SBF2: variants seen among roughly 807,000 people sequenced by gnomAD.
The protein encoded by SBF2 is myotubularin-related protein 13.
SBF2 carries 112 observed loss-of-function variants against 225.2 expected under a neutral mutation model. The ratio of observed to expected loss-of-function variants is 0.50; its 90% CI spans 0.43 to 0.58. The LOEUF is 0.58. Ranked by LOEUF, SBF2 falls within the 20% of genes least tolerant of loss-of-function variation. SBF2 has a pLI of 0.00. For missense variants in SBF2, 1,996 were observed against 2,206.2 expected, an observed-to-expected ratio of 0.90 and a Z score of 1.91; for synonymous variants, 763 against 773.3, an observed-to-expected ratio of 0.99 and a Z score of 0.22.
chr11:10,275,680 TAAAAC>T (rs1380114869), intron 1 of SBF2, among the ~76,000 whole-genome samples: 2 of 150,872 alleles, frequency 1.3e-5, no homozygotes, highest in African/African-American at 4.9e-5. Flanking sequence ...AACAGAATCT[TAAAAC>T]AAAACAAAAA....
chr11:9,831,997 A>C (rs1349988767), intron 27 of SBF2, among the ~76,000 whole-genome samples: 1 of 152,250 alleles, frequency 6.6e-6, no homozygotes, highest in African/African-American at 2.4e-5. Context: ...TTTCTATTAA[A>C]ATCCAAGTAC....
chr11:10,137,666 T>C (rs1173388983), intron 2 of SBF2, among the ~76,000 whole-genome samples: 1 of 152,164 alleles, frequency 6.6e-6, no homozygotes, highest in African/African-American at 2.4e-5. Flanking sequence ...GTAGTTTTCC[T>C]TTTTTGTCTT....
chr11:10,176,433 T>C (rs1303910084), intron 2 of SBF2, among the ~76,000 whole-genome samples: 23 of 151,740 alleles, frequency 1.5e-4, no homozygotes, highest in African/African-American at 5.1e-4. Flanking sequence ...ACAAAATTGA[T>C]AGACCACTAG....
chr11:9,876,412 G>T (rs901812089), intron 17 of SBF2, among the ~76,000 whole-genome samples: 1 of 152,116 alleles, frequency 6.6e-6, no homozygotes, highest in Admixed American at 6.5e-5. Context: ...CATCCAGCGT[G>T]CCCATATTTG....
At chr11:10,022,604 C>G (rs2134602488) in intron 6 of SBF2, among the ~76,000 whole-genome samples, 1 of 152,084 alleles carries the variant, frequency 6.6e-6, no homozygotes, top group Non-Finnish European at 1.5e-5. Context: ...GTACCCACCC[C>G]CCCATCATAA....
chr11:10,284,537 C>G (rs150170922), intron 1 of SBF2, among the ~76,000 whole-genome samples: 1 of 152,054 alleles, frequency 6.6e-6, no homozygotes, highest in Non-Finnish European at 1.5e-5. Context: ...AAATAGCATG[C>G]ATTAACTCTT....
Position 9,993,971 on chromosome 11 carries a change from C to A in SBF2, c.1003G>T (p.Asp335Tyr). 8.3e-7 allele frequency: 1 copy of A among 1,206,652 alleles called. No homozygotes were observed. Among genetic ancestry groups the A allele is most frequent in the Non-Finnish European group, 1.2e-6 (1 of 807,940 alleles). 74.7% of individuals were successfully genotyped at this position (1,206,652 alleles called of 1,614,324 possible). The change falls in exon 10 of 40, where the codon GAT becomes TAT. Residue 335 changes from aspartate to tyrosine, a missense_variant. Coordinates refer to ENST00000256190, the MANE Select transcript of SBF2 (RefSeq NM_030962.4). ...GTTCGTGGAGGAGGAAAAGCATGAT[C>A]TGCTACTTCCAAATCTGGGTGTAAA... The part of the protein sequence containing the change: ...LILHPDLEVA[D>Y]HAFPPPRTAL...
intron 2 of SBF2, among the ~76,000 whole-genome samples, chr11:10,158,099 GA>G (rs1218499773): frequency 6.6e-6 from 1 of 151,726 alleles, no homozygotes; most frequent in Non-Finnish European, 1.5e-5. Context: ...ATGTATCGAA[GA>G]ATAAACTAAA....
rs533659454 is a variant in SBF2, at chr11:10,192,047, A to G, written c.141+1855T>C. 3.7e-4 allele frequency among the ~76,000 whole-genome samples: 57 copies of G among 152,320 alleles called. 2 individuals carry two copies. In the South Asian group the frequency reaches 0.011, roughly 30 times the overall value. On this transcript the variant is annotated intron_variant, in intron 2 of 39. Transcript: ENST00000256190. ...ATGTGAATGGAGGTAGGAACCCACAATAAGTTCTAACAGGTCCCTAGCACC... is the reference window on the plus strand; with the variant it reads ...ATGTGAATGGAGGTAGGAACCCACAGTAAGTTCTAACAGGTCCCTAGCACC...
At chr11:10,090,837 C>G (rs1951756368) in intron 2 of SBF2, among the ~76,000 whole-genome samples, 1 of 150,386 alleles carries the variant, frequency 6.6e-6, no homozygotes, top group Non-Finnish European at 1.5e-5. Flanking sequence ...TCCCCTCTTC[C>G]TAAGTTCCAA....
Position 9,780,324 on chromosome 11 carries a change from CTTG to C in SBF2, c.*91_*93del. The C allele has an allele frequency of 3.6e-6, 4 of 1,112,502 alleles. No individual in the cohort carries two copies. The highest frequency in any genetic ancestry group is 2.4e-5 in the East Asian group (1 of 40,950). 68.9% of individuals were successfully genotyped at this position (1,112,502 alleles called of 1,614,324 possible). ...AGGAGAACCTCAGGCCCTGGGATAA[CTTG>C]TTGTCAGCTCCTCAAGGATCCATGC... On this transcript the variant is annotated 3_prime_UTR_variant, in exon 40 of 40. Transcript: ENST00000256190.
At chr11:10,187,815 C>G (rs549400025) in intron 2 of SBF2, among the ~76,000 whole-genome samples, 1 of 152,248 alleles carries the variant, frequency 6.6e-6, no homozygotes, top group African/African-American at 2.4e-5. Context: ...ATTACAAAAG[C>G]TAGCATTACC....
At chr11:10,109,237 TATA>T (rs1952722822) in intron 2 of SBF2, among the ~76,000 whole-genome samples, 1 of 152,184 alleles carries the variant, frequency 6.6e-6, no homozygotes, top group East Asian at 1.9e-4. Flanking sequence ...GAATAAACCT[TATA>T]ATGTTATTAT....
chr11:9,852,810 C>T (rs1273009850), intron 20 of SBF2, 61 bp from the exon 21 acceptor site: 4 of 1,262,000 alleles, frequency 3.2e-6, no homozygotes, highest in Non-Finnish European at 4.6e-6. Context: ...AAAACAAATT[C>T]TGGATATTTT....
chr11:10,105,588 G>T (rs1952510349), intron 2 of SBF2, among the ~76,000 whole-genome samples: 1 of 152,146 alleles, frequency 6.6e-6, no homozygotes, highest in Non-Finnish European at 1.5e-5. Context: ...CTTTTAGCCT[G>T]TGAAAAATAA....
chr11:9,836,144 C>T (rs1855723395), intron 26 of SBF2, among the ~76,000 whole-genome samples: 1 of 152,056 alleles, frequency 6.6e-6, no homozygotes, highest in Non-Finnish European at 1.5e-5. Flanking sequence ...CAATTTTTTA[C>T]TTTATAGATA....
At chr11:10,012,237 CT>C (rs1948486065) in intron 6 of SBF2, among the ~76,000 whole-genome samples, 2 of 152,226 alleles carry the variant, frequency 1.3e-5, no homozygotes, top group African/African-American at 4.8e-5. Context: ...CCCCAGCCTT[CT>C]GGGCTCAAGC....
At chr11:9,853,338 A>G (rs573601511) in intron 20 of SBF2, among the ~76,000 whole-genome samples, 1 of 152,340 alleles carries the variant, frequency 6.6e-6, no homozygotes, top group African/African-American at 2.4e-5. Flanking sequence ...TTGTAGATGT[A>G]ATTAATGCCA....
intron 1 of SBF2, among the ~76,000 whole-genome samples, chr11:10,241,908 GGTGA>G (rs1466399692): frequency 6.6e-6 from 1 of 151,986 alleles, no homozygotes; most frequent in Non-Finnish European, 1.5e-5. Context: ...GAAAGAGTAA[GGTGA>G]GTGTCTACCT....
Sources: allele counts gnomAD v4.1 joint callset (sites outside exome capture counted in the v4.1 genomes callset), GRCh38; gene constraint gnomAD v4.1.1; transcripts MANE v1.5; gene names NCBI Gene and HGNC (gene_info 2026-07-23, HGNC 2026-07-21).